Variants in SMC5 observed in about 807,000 individuals in gnomAD.
SMC5 encodes the protein structural maintenance of chromosomes protein 5.
A neutral mutation model predicts 148.3 loss-of-function variants in SMC5; 88 were observed. The ratio of observed to expected loss-of-function variants is 0.59; its 90% confidence interval spans 0.50 to 0.71. The LOEUF is 0.71. Among genes scored for constraint, SMC5 ranks in the 30% least tolerant of loss-of-function variants. The pLI, the probability that SMC5 is intolerant of heterozygous loss-of-function variation, is 0.00. For missense variants in SMC5, 1,142 were observed against 1,298.9 expected, an observed-to-expected ratio of 0.88 and a Z score of 1.86; for synonymous variants, 421 against 432.8, an observed-to-expected ratio of 0.97 and a Z score of 0.34.
intron 11 of SMC5, among the ~76,000 whole-genome samples, chr9:70,308,340 T>C (rs1252270058): frequency 6.6e-6 from 1 of 151,844 alleles, no homozygotes; most frequent in Non-Finnish European, 1.5e-5. Flanking sequence ...GCGCGGTGGC[T>C]CACGCTCGTA....
chr9:70,293,438 G>C (rs1288924128), intron 8 of SMC5, among the ~76,000 whole-genome samples: 1 of 145,150 alleles, frequency 6.9e-6, no homozygotes, highest in Non-Finnish European at 1.5e-5. Context: ...TTTTCTCTCT[G>C]TTTTCCGTTT....
chr9:70,354,162 TATTAAACAGTAGTAAGTCTAGCAC>T lies in SMC5; in HGVS notation c.*1834_*1857del, dbSNP rs1249149539. The T allele has an allele frequency of 1.3e-5, 2 of 152,230 alleles. No individual in the cohort carries two copies. Among genetic ancestry groups the T allele is most frequent in the Non-Finnish European group, 2.9e-5 (2 of 68,042 alleles). 9.4% of individuals were successfully genotyped at this position (152,230 alleles called of 1,614,324 possible). A position where few individuals can be genotyped will look rare whatever the true frequency, so the allele number is the denominator to read the frequency against. ...GAATAAATTATGTATCATTTTAGCA[TATTAAACAGTAGTAAGTCTAGCAC>T]ATAGTCTCAGCCACTTAAAACAAAA... On this transcript the variant is annotated 3_prime_UTR_variant, in exon 25 of 25. Coordinates refer to ENST00000361138, the MANE Select transcript of SMC5 (RefSeq NM_015110.4).
chr9:70,335,408 A>G (rs2094761), intron 17 of SMC5, among the ~76,000 whole-genome samples: 151,811 of 152,270 alleles, frequency 1, 75,677 homozygotes, highest in Middle Eastern at 1. Flanking sequence ...AATCACTTGA[A>G]CCTGGGAGGT....
chr9:70,259,007 G>A lies in SMC5; in HGVS notation c.-72G>A. ...CGCGCGGGAGCGGGGCGCCTGGGTG[G>A]ATGGGCGCTTGGGCGCCTGGGCTGC... is the stretch of plus-strand genomic sequence containing the variant. On this transcript the variant is annotated 5_prime_UTR_variant, in exon 1 of 25. Transcript: ENST00000361138. The A allele has an allele frequency of 6.7e-7, 1 of 1,482,014 alleles. No homozygotes were observed. Among genetic ancestry groups the A allele is most frequent in the Non-Finnish European group, 9.0e-7 (1 of 1,113,596 alleles). The allele number at this position is 1,482,014 out of a possible 1,614,324, so 91.8% of individuals were successfully genotyped here. A position where few individuals can be genotyped will look rare whatever the true frequency, so the allele number is the denominator to read the frequency against.
chr9:70,326,769 T>C (rs1026025408), intron 17 of SMC5, among the ~76,000 whole-genome samples: 1 of 151,942 alleles, frequency 6.6e-6, no homozygotes, highest in African/African-American at 2.4e-5. Flanking sequence ...GTGAAACAAA[T>C]GCATCTAACT....
At chr9:70,346,032 A>C (rs1020966345) in intron 18 of SMC5, among the ~76,000 whole-genome samples, 4 of 152,168 alleles carry the variant, frequency 2.6e-5, no homozygotes, top group African/African-American at 7.2e-5. Flanking sequence ...TTTTCACCTG[A>C]ACAAATTACG....
At chr9:70,326,858 CA>C (rs536378476) in intron 17 of SMC5, among the ~76,000 whole-genome samples, 62 of 146,132 alleles carry the variant, frequency 4.2e-4, no homozygotes, top group African/African-American at 1.5e-3. Context: ...ATTCTAAGGG[CA>C]AAAAAAAATT....
chr9:70,267,596 G>A (rs1466443334), intron 2 of SMC5, among the ~76,000 whole-genome samples: 1 of 152,110 alleles, frequency 6.6e-6, no homozygotes, highest in Non-Finnish European at 1.5e-5. Context: ...TAATATAGTG[G>A]ACAAGTACAC....
chr9:70,307,060 C>T (rs971203984), intron 11 of SMC5, among the ~76,000 whole-genome samples: 66 of 152,100 alleles, frequency 4.3e-4, no homozygotes, highest in African/African-American at 1.6e-3. Flanking sequence ...GTTACTCAAA[C>T]AAAATCTTCT....
rs570274893 is a variant in SMC5 at position 70,279,458 on chromosome 9, G to T, written c.678+833G>T. 9.9e-5 allele frequency among the ~76,000 whole-genome samples: 15 copies of T among 152,158 alleles called. No homozygotes were observed. The East Asian group carries it at 2.7e-3, about 28-fold the overall frequency. ...TGCTTGAGCCAAGGAGGTCAAGGTT[G>T]CAATGAGCTGTGATTGCACCACTGC... On this transcript the variant is annotated intron_variant, in intron 5 of 24. Coordinates refer to ENST00000361138, the MANE Select transcript of SMC5 (RefSeq NM_015110.4).
intron 8 of SMC5, among the ~76,000 whole-genome samples, chr9:70,295,860 C>T (rs925031373): frequency 1.3e-5 from 2 of 152,038 alleles, no homozygotes; most frequent in African/African-American, 4.8e-5. Flanking sequence ...AATTCTGTAT[C>T]GTCTTTAGTG....
chr9:70,318,974 G>A lies in SMC5; in HGVS notation c.2150+11G>A, dbSNP rs777913482. ...TTCCAAACTAGGAAGGTATCTTTTA[G>A]CCTATTCAGGGGGGAGAGCACAAAT... On this transcript the variant is annotated intron_variant, in intron 15 of 24. Coordinates refer to ENST00000361138, the MANE Select transcript of SMC5 (RefSeq NM_015110.4). The A allele has an allele frequency of 2.5e-6, 4 of 1,599,930 alleles. No homozygotes were observed. The African/African-American group carries it at 4.1e-5, about 16-fold the overall frequency.
intron 17 of SMC5, among the ~76,000 whole-genome samples, chr9:70,341,568 A>C (rs1185830053): frequency 6.6e-6 from 1 of 152,140 alleles, no homozygotes; most frequent in East Asian, 1.9e-4. Flanking sequence ...AGTATAAAGG[A>C]TTGCTTGCAT....
intron 8 of SMC5, among the ~76,000 whole-genome samples, chr9:70,288,602 A>C (rs2034972008): frequency 6.6e-6 from 1 of 151,988 alleles, no homozygotes; most frequent in Non-Finnish European, 1.5e-5. Context: ...ATAGGATATA[A>C]ATTTTTGGGC....
At chr9:70,292,512 G>A (rs1330929910) in intron 8 of SMC5, among the ~76,000 whole-genome samples, 1 of 151,954 alleles carries the variant, frequency 6.6e-6, no homozygotes, top group Non-Finnish European at 1.5e-5. Flanking sequence ...TTACGTTATT[G>A]CATTGGCTAC....
intron 11 of SMC5, among the ~76,000 whole-genome samples, chr9:70,314,292 C>A (rs765825442): frequency 3.3e-5 from 5 of 152,290 alleles, no homozygotes; most frequent in Middle Eastern, 3.4e-3. Flanking sequence ...CACATAAACA[C>A]AAATCTCACC....
intron 11 of SMC5, among the ~76,000 whole-genome samples, chr9:70,307,982 C>G (rs560735884): frequency 6.6e-6 from 1 of 152,174 alleles, no homozygotes; most frequent in East Asian, 1.9e-4. Context: ...TACAATCAGT[C>G]CTTTAACCAA....
At chr9:70,325,252 C>G (rs1246923273) in intron 17 of SMC5, among the ~76,000 whole-genome samples, 2 of 152,192 alleles carry the variant, frequency 1.3e-5, no homozygotes, top group South Asian at 4.1e-4. Context: ...TACAGACTTT[C>G]CTATTGCTCA....
Position 70,318,858 on chromosome 9 carries a change from A to G in SMC5, c.2045A>G (p.His682Arg), listed in dbSNP as rs11142365. Reference sequence around the variant, plus strand: ...ATTGCCTTACGTGAAACAAGCAAACATCTGGAGCACAAAGACAATGAACTT... The same window carrying G: ...ATTGCCTTACGTGAAACAAGCAAACGTCTGGAGCACAAAGACAATGAACTT... The part of the protein sequence containing the change: ...GLIALRETSK[H>R]LEHKDNELRQ... The change falls in exon 15 of 25, where the codon CAT (histidine) becomes CGT (arginine). Residue 682 changes from histidine to arginine, a missense_variant. Around this residue, in one of 5 missense-constraint regions of SMC5, gnomAD observed 743 missense variants for 835.7 expected, o/e 0.89. Transcript: ENST00000361138. 0.11 allele frequency: 179,543 copies of G among 1,610,704 alleles called. 10,928 individuals are homozygous for G. Among genetic ancestry groups the G allele is most frequent in the African/African-American group, 0.16 (11,912 of 74,790 alleles).
Sources: allele counts gnomAD v4.1 joint callset (sites outside exome capture counted in the v4.1 genomes callset), GRCh38; gene constraint gnomAD v4.1.1; regional missense constraint gnomAD v4.1.1; transcripts MANE v1.5; gene names NCBI Gene and HGNC (gene_info 2026-07-23, HGNC 2026-07-21).